The following AHNAK variants were observed in gnomAD, a reference collection of about 807,000 sequenced individuals.
AHNAK encodes neuroblast differentiation-associated protein AHNAK.
Under a neutral mutation model 37.8 loss-of-function variants are expected in AHNAK, and 23 were observed. The observed-to-expected ratio is 0.61, with a 90% CI of 0.44 to 0.86. AHNAK has a LOEUF of 0.86. AHNAK is among the 40% of genes least tolerant of loss of function. The pLI is 0.00. For missense variants in AHNAK, 7,411 were observed against 7,319.4 expected (o/e 1.01, Z -0.46); for synonymous variants, 2,481 against 2,636.3 (o/e 0.94, Z 1.80).
At chr11:62,505,142 AC>A (rs1304192247) in intron 4 of AHNAK, among the ~76,000 whole-genome samples, 4 of 151,970 alleles carry the variant, frequency 2.6e-5, no homozygotes, top group Non-Finnish European at 5.9e-5. Flanking sequence ...TCCCGTGGCC[AC>A]CCCTTGGGAG....
chr11:62,518,925 C>A lies in AHNAK; in HGVS notation c.15492G>T (p.Val5164=). 1.2e-6 allele frequency: 2 copies of A among 1,614,188 alleles called. No individual in the cohort carries two copies. Among genetic ancestry groups the A allele is most frequent in the Non-Finnish European group, 1.7e-6 (2 of 1,180,018 alleles). The part of the protein sequence containing the change: ...KIEGDLKGPK[V]QANLGAPDIN... ...TGTCAGGTGCACCCAAGTTTGCCTG[C>A]ACTTTGGGGCCTTTCAGGTCACCCT... The change falls in exon 5 of 5, where the codon GTG becomes GTT. Residue 5164 remains valine, a synonymous_variant. Coordinates refer to ENST00000378024, the MANE Select transcript of AHNAK (RefSeq NM_001620.3).
At chr11:62,483,791 A>G (rs4963509) in intron 5 of AHNAK, among the ~76,000 whole-genome samples, 149,100 of 150,334 alleles carry the variant, frequency 0.99, 74,021 homozygotes, top group Non-Finnish European at 1. Flanking sequence ...CCTGGGAGGC[A>G]GAGCTTGCAG....
At chr11:62,503,932 G>A (rs924746316) in intron 4 of AHNAK, among the ~76,000 whole-genome samples, 2 of 152,032 alleles carry the variant, frequency 1.3e-5, no homozygotes, top group African/African-American at 2.4e-5. Flanking sequence ...AGGCCGAGGC[G>A]GGTGGATCAC....
chr11:62,484,036 CAAA>C (rs56402861), intron 5 of AHNAK, among the ~76,000 whole-genome samples: 5 of 78,236 alleles, frequency 6.4e-5, no homozygotes, highest in African/African-American at 5.6e-5. Flanking sequence ...GACTCCATCT[CAAA>C]AAAAAAAAAA....
intron 5 of AHNAK, among the ~76,000 whole-genome samples, chr11:62,476,191 CAGCCTGGCCA>C (rs1939141592): frequency 6.6e-6 from 1 of 152,166 alleles, no homozygotes; most frequent in South Asian, 2.1e-4. Flanking sequence ...AGTTCGAGAT[CAGCCTGGCCA>C]ACATGGCGAA....
Position 62,520,614 on chromosome 11 carries a change from A to G in AHNAK, c.13803T>C (p.Asn4601=), listed in dbSNP as rs1402327942. ...PKISMPEVDL[N]LKGPKVKGDM... is the part of the protein sequence containing the mutation. ...CGCCCTTCACCTTTGGACCTTTCAG[A>G]TTCAGGTCAACTTCAGGCATAGAGA... The change falls in exon 5 of 5, where the codon AAT becomes AAC. Residue 4601 remains asparagine, a synonymous_variant. Transcript: ENST00000378024. 4 of 1,613,630 alleles carry G rather than the reference A, an allele frequency of 2.5e-6. No individual in the cohort carries two copies. Among genetic ancestry groups the G allele is most frequent in the South Asian group, 1.1e-5 (1 of 91,066 alleles).
Position 62,522,437 on chromosome 11 carries a change from T to A in AHNAK, c.11980A>T (p.Met3994Leu). Residue 3994 changes from methionine (M) to leucine (L), a missense_variant, in exon 5 of 5, where the codon ATG becomes TTG. Physicochemically the swap from Met to Leu is conservative, Grantham distance 15. Coordinates refer to ENST00000378024, the MANE Select transcript of AHNAK (RefSeq NM_001620.3). Reference sequence around the variant, plus strand: ...GAGATCTTGGGGGCTTTGATGTTCATCTCTGGCATCTTGAATTTAGGGCCC... The same window carrying A: ...GAGATCTTGGGGGCTTTGATGTTCAACTCTGGCATCTTGAATTTAGGGCCC... Reference protein sequence around the residue: ...LKGPKFKMPEMNIKAPKISMP... With the variant: ...LKGPKFKMPELNIKAPKISMP... The A allele has an allele frequency of 6.2e-7, 1 of 1,613,412 alleles. No individual in the cohort carries two copies. The highest frequency in any genetic ancestry group is 8.5e-7 in the Non-Finnish European group (1 of 1,179,884).
At chr11:62,456,448 C>T (rs1938660041) in intron 5 of AHNAK, among the ~76,000 whole-genome samples, 1 of 152,192 alleles carries the variant, frequency 6.6e-6, no homozygotes, top group African/African-American at 2.4e-5. Context: ...ATTATTACCC[C>T]ATTTTACAAA....
chr11:62,443,306 G>A (rs1685633781), intron 5 of AHNAK, among the ~76,000 whole-genome samples: 2 of 112,256 alleles, frequency 1.8e-5, no homozygotes, highest in Admixed American at 2.1e-4. Context: ...GAGTTTCGCT[G>A]TTATTGCCCA....
rs1279690039 is a variant in AHNAK at position 62,517,508 on chromosome 11, C to A, written c.16909G>T (p.Ala5637Ser). The change falls in exon 5 of 5, where the codon GCT (alanine) becomes TCT (serine). Residue 5637 changes from alanine to serine, a missense_variant. Ala to Ser is a moderately conservative substitution (Grantham distance 99). Transcript: ENST00000378024. ...GGCCCAGACACACTCAGCCCAGGAG[C>A]CTGGAGTCCAATCTGACCTCCTTTC... The part of the protein sequence containing the change: ...GVKGGQIGLQ[A>S]PGLSVSGPQG... 1.9e-6 allele frequency: 3 copies of A among 1,614,150 alleles called. No individual in the cohort carries two copies. The highest frequency in any genetic ancestry group is 2.2e-5 in the South Asian group (2 of 91,082).
Position 62,527,946 on chromosome 11 carries a change from A to G in AHNAK, c.6471T>C (p.Asp2157=). The G allele has an allele frequency of 4.3e-6, 7 of 1,612,410 alleles. No homozygotes were observed. The highest frequency in any genetic ancestry group is 5.9e-6 in the Non-Finnish European group (7 of 1,179,596). Reference sequence around the variant, plus strand: ...TTGCATCAGGACACTCCAGCTCAACATCAGGCACCTCCACATCCACACTGG... The same window carrying G: ...TTGCATCAGGACACTCCAGCTCAACGTCAGGCACCTCCACATCCACACTGG... ...TGPSVDVEVP[D]VELECPDAKL... The change falls in exon 5 of 5, where the codon GAT becomes GAC. Residue 2157 remains aspartate (D), a synonymous_variant. Transcript: ENST00000378024.
At chr11:62,435,110 CCT>C (rs1565192784) in intron 5 of AHNAK, among the ~76,000 whole-genome samples, 3 of 152,138 alleles carry the variant, frequency 2.0e-5, no homozygotes, top group African/African-American at 7.2e-5. Flanking sequence ...CTGCCCTCCC[CCT>C]AATTGAGAAT....
At position 62,529,974 on chromosome 11, in the gene AHNAK, T is replaced by C; in HGVS notation, c.4443A>G (p.Lys1481=). Residue 1481 remains lysine (K), a synonymous_variant, in exon 5 of 5, where the codon AAA becomes AAG. Coordinates refer to ENST00000378024, the MANE Select transcript of AHNAK (RefSeq NM_001620.3). The part of the protein sequence containing the change: ...VTVPKVEGEI[K]APDVDIKGPK... ...GGCCTTTGATGTCAACATCAGGAGC[T>C]TTTATCTCTCCTTCTACTTTTGGAA... 1 of 1,613,402 alleles carries C rather than the reference T, an allele frequency of 6.2e-7. No homozygotes were observed. Among genetic ancestry groups the C allele is most frequent in the Admixed American group, 1.7e-5 (1 of 59,904 alleles).
At chr11:62,461,864 C>T (rs956002226) in intron 5 of AHNAK, among the ~76,000 whole-genome samples, 2 of 150,726 alleles carry the variant, frequency 1.3e-5, no homozygotes, top group African/African-American at 2.4e-5. Context: ...GGATAGTTCA[C>T]GGCAAAATGG....
intron 5 of AHNAK, among the ~76,000 whole-genome samples, chr11:62,462,132 G>T (rs1443653305): frequency 6.6e-6 from 1 of 152,166 alleles, no homozygotes; most frequent in East Asian, 1.9e-4. Context: ...GCACCCTAGA[G>T]CCTGCTGGCA....
Position 62,522,174 on chromosome 11 carries a change from A to C in AHNAK, c.12243T>G (p.Asp4081Glu), listed in dbSNP as rs142816348. The change falls in exon 5 of 5, where the codon GAT becomes GAG. Residue 4081 changes from aspartate (D) to glutamate (E), a missense_variant. Coordinates refer to ENST00000378024, the MANE Select transcript of AHNAK (RefSeq NM_001620.3). ...PGFKGEGPEV[D>E]VNLPKADIDV... ...CAATGTCAGCTTTGGGCAAATTAACATCCACTTCTGGGCCCTCTCCTTTAA... is the reference window on the plus strand; with the variant it reads ...CAATGTCAGCTTTGGGCAAATTAACCTCCACTTCTGGGCCCTCTCCTTTAA... 3 of 1,613,016 alleles carry C rather than the reference A, an allele frequency of 1.9e-6. No homozygotes were observed. The highest frequency in any genetic ancestry group is 2.7e-5 in the African/African-American group (2 of 74,524).
chr11:62,503,217 C>T (rs772655782), intron 4 of AHNAK, among the ~76,000 whole-genome samples: 1 of 152,190 alleles, frequency 6.6e-6, no homozygotes, highest in Non-Finnish European at 1.5e-5. Flanking sequence ...AGGTTGTCCA[C>T]GATTACATAA....
At chr11:62,513,319 G>T (rs1465190114), downstream of AHNAK, among the ~76,000 whole-genome samples, 1 of 152,164 alleles carries the variant, frequency 6.6e-6, no homozygotes, top group Non-Finnish European at 1.5e-5. Context: ...GGCAGATCAC[G>T]AGGTCAGGAG....
chr11:62,528,479 G>C lies in AHNAK; in HGVS notation c.5938C>G (p.Pro1980Ala), dbSNP rs759675001. The change falls in exon 5 of 5, where the codon CCT (proline) becomes GCT (alanine). Residue 1980 changes from proline (P) to alanine (A), a missense_variant. Physicochemically the swap from Pro to Ala is conservative, Grantham distance 27. Coordinates refer to ENST00000378024, the MANE Select transcript of AHNAK (RefSeq NM_001620.3). ...AKLKGPKFKM[P>A]EMHFKTPKIS... ...TTGGGGGTCTTGAAGTGCATCTCAG[G>C]CATCTTAAACTTGGGCCCTTTCAAC... 1 of 1,612,954 alleles carries C rather than the reference G, an allele frequency of 6.2e-7. No homozygotes were observed. The highest frequency in any genetic ancestry group is 2.2e-5 in the East Asian group (1 of 44,794).
Sources: gnomAD v4.1 joint callset for allele counts (sites outside exome capture counted in the v4.1 genomes callset) on GRCh38, gnomAD v4.1.1 for gene constraint, MANE v1.5 for transcripts, NCBI Gene and HGNC (gene_info 2026-07-23, HGNC 2026-07-21) for gene names.